The following TOGARAM2 variants were observed in gnomAD, a reference collection of about 807,000 sequenced individuals.
The protein encoded by TOGARAM2 is TOG array regulator of axonemal microtubules 2.
TOGARAM2 carries 85 observed loss-of-function variants against 93.3 expected under a neutral mutation model. That is an observed-to-expected ratio of 0.91 (90% CI 0.76 to 1.09). The LOEUF is 1.09. Among genes scored for constraint, TOGARAM2 ranks in the 50% least tolerant of loss-of-function variants. The pLI, the probability that TOGARAM2 is intolerant of heterozygous loss-of-function variation, is 0.00. For missense variants in TOGARAM2, 1,277 were observed against 1,334.5 expected, an observed-to-expected ratio of 0.96 and a Z score of 0.67; for synonymous variants, 593 against 552.8, an observed-to-expected ratio of 1.07 and a Z score of -1.02.
intron 14 of TOGARAM2, among the ~76,000 whole-genome samples, chr2:29,029,618 T>C (rs1487751566): frequency 6.7e-6 from 1 of 149,070 alleles, no homozygotes; most frequent in South Asian, 2.2e-4. Flanking sequence ...TAGCCAGGTG[T>C]GGTGGCGGGT....
intron 1 of TOGARAM2, among the ~76,000 whole-genome samples, chr2:28,993,312 G>GT (rs1464454394): frequency 6.6e-6 from 1 of 152,174 alleles, no homozygotes; most frequent in Non-Finnish European, 1.5e-5. Flanking sequence ...AACTCTCACA[G>GT]CCCCCAAATC....
intron 18 of TOGARAM2, among the ~76,000 whole-genome samples, chr2:29,043,163 C>CA (rs1374791065): frequency 6.6e-6 from 1 of 152,174 alleles, no homozygotes; most frequent in Non-Finnish European, 1.5e-5. Context: ...ACAGCTTTAC[C>CA]AATGCACCCC....
intron 8 of TOGARAM2, among the ~76,000 whole-genome samples, chr2:29,015,846 G>A (rs1470016702): frequency 1.3e-5 from 2 of 151,844 alleles, no homozygotes; most frequent in African/African-American, 2.4e-5. Flanking sequence ...TCATCTCCCC[G>A]GCCTCTGGAT....
Position 29,009,991 on chromosome 2 carries a change from G to A in TOGARAM2, c.831-1464G>A, listed in dbSNP as rs150491034. ...GGGTCCACAGCTTAAGAGAAGCTGCGCCAAGTCCTCTGAGGCCAAATCCCT... is the reference window on the plus strand; with the variant it reads ...GGGTCCACAGCTTAAGAGAAGCTGCACCAAGTCCTCTGAGGCCAAATCCCT... On this transcript the variant is annotated intron_variant, in intron 6 of 19. Coordinates refer to ENST00000379558, the MANE Select transcript of TOGARAM2 (RefSeq NM_199280.4). Among the ~76,000 whole-genome samples, 1,071 of 151,754 alleles carry A rather than the reference G, an allele frequency of 7.1e-3. 3 individuals carry two copies. The highest frequency in any genetic ancestry group is 0.01 in the Non-Finnish European group (707 of 67,908).
chr2:28,960,351 C>T (rs754998196), intron 1 of TOGARAM2, among the ~76,000 whole-genome samples: 3 of 152,102 alleles, frequency 2.0e-5, no homozygotes, highest in Non-Finnish European at 2.9e-5. Context: ...TAATACCATC[C>T]TCCTGTCTAA....
At chr2:28,978,583 G>T (rs890686498), upstream of TOGARAM2, among the ~76,000 whole-genome samples, 1 of 152,218 alleles carries the variant, frequency 6.6e-6, no homozygotes, top group Non-Finnish European at 1.5e-5. Context: ...AGCATGGAAA[G>T]TTATAGAATG....
At chr2:29,045,260 A>C in intron 18 of TOGARAM2, 64 bp from the exon 19 acceptor site, 3 of 1,381,588 alleles carry the variant, frequency 2.2e-6, no homozygotes, top group Non-Finnish European at 3.0e-6. Context: ...GTGGCCCTGC[A>C]AACCCCTAGT....
At chr2:29,023,313 C>T (rs953198037) in intron 12 of TOGARAM2, 122 bp downstream of exon 12, 12 of 783,092 alleles carry the variant, frequency 1.5e-5, no homozygotes, top group Non-Finnish European at 2.5e-5. Flanking sequence ...TATTTCTCAG[C>T]CTTCAGCCAC....
At chr2:29,017,101 TTGA>T in intron 8 of TOGARAM2, 50 bp from the exon 9 acceptor site, 1 of 1,584,162 alleles carries the variant, frequency 6.3e-7, no homozygotes, top group East Asian at 2.3e-5. Flanking sequence ...TGATTGAATG[TTGA>T]TGATTGAATG....
intron 19 of TOGARAM2, chr2:29,050,249 T>A (rs1344737829): frequency 1.3e-5 from 2 of 152,120 alleles, no homozygotes; most frequent in African/African-American, 4.8e-5. Context: ...TCCCAGCTAC[T>A]GGGGAGGCTG....
chr2:29,004,955 T>C (rs1673570769), intron 6 of TOGARAM2, among the ~76,000 whole-genome samples: 2 of 130,268 alleles, frequency 1.5e-5, no homozygotes, highest in African/African-American at 6.8e-5. Context: ...TGTGTGTGCA[T>C]GTGTATGTGT....
chr2:28,975,499 C>T (rs1336825680), intron 1 of TOGARAM2, among the ~76,000 whole-genome samples: 8 of 151,976 alleles, frequency 5.3e-5, no homozygotes, highest in Non-Finnish European at 1.0e-4. Flanking sequence ...TGCGCCCGGC[C>T]GAGACATTTT....
intron 16 of TOGARAM2, among the ~76,000 whole-genome samples, chr2:29,034,522 G>A (rs1342888451): frequency 6.6e-6 from 1 of 152,236 alleles, no homozygotes; most frequent in Non-Finnish European, 1.5e-5. Flanking sequence ...GCTCTCAGTA[G>A]ACAATGAGTG....
At chr2:29,005,418 TGAGAGCATGC>T (rs1673672523) in intron 6 of TOGARAM2, among the ~76,000 whole-genome samples, 1 of 147,808 alleles carries the variant, frequency 6.8e-6, no homozygotes, top group Non-Finnish European at 1.5e-5. Flanking sequence ...TGTGCGTGTG[TGAGAGCATGC>T]ATGTGCGTGA....
At chr2:29,006,224 TG>T (rs532137575) in intron 6 of TOGARAM2, among the ~76,000 whole-genome samples, 83 of 147,976 alleles carry the variant, frequency 5.6e-4, no homozygotes, top group African/African-American at 2.0e-3. Context: ...TGTGTGTGAC[TG>T]TGTGTGAAGC....
intron 15 of TOGARAM2, 100 bp from the exon 16 acceptor site, chr2:29,033,369 T>A: frequency 9.0e-7 from 1 of 1,113,218 alleles, no homozygotes; most frequent in Non-Finnish European, 1.3e-6. Context: ...CTCTCCTAGG[T>A]GGAAGGGATT....
chr2:28,972,561 C>G (rs1165381547), intron 1 of TOGARAM2: 1 of 152,220 alleles, frequency 6.6e-6, no homozygotes, highest in Non-Finnish European at 1.5e-5. Flanking sequence ...ACTTCCCTTA[C>G]CATAGAATAT....
At chr2:28,997,903 G>A (rs965382228) in intron 2 of TOGARAM2, among the ~76,000 whole-genome samples, 7 of 152,174 alleles carry the variant, frequency 4.6e-5, no homozygotes, top group African/African-American at 1.7e-4. Context: ...GGAGGGAGGA[G>A]GCAGCCAGGC....
At position 29,017,918 on chromosome 2, in the gene TOGARAM2, T is replaced by C. The variant is rs201222928; in HGVS notation, c.1322T>C (p.Ile441Thr). The change falls in exon 10 of 20, where the codon ATC becomes ACC. Residue 441 changes from isoleucine to threonine, a missense_variant. By Grantham distance (89) the Ile-to-Thr change is moderately conservative. Transcript: ENST00000379558. The part of the protein sequence containing the change: ...ASRASLPSIP[I>T]SRQEPRFARH... ...CGGGCCTCCCTGCCCAGCATCCCCATCAGCCGGCAGGAGCCCCGCTTTGCC... is the reference window on the plus strand; with the variant it reads ...CGGGCCTCCCTGCCCAGCATCCCCACCAGCCGGCAGGAGCCCCGCTTTGCC... The C allele has an allele frequency of 1.3e-4, 210 of 1,609,916 alleles. No individual in the cohort carries two copies. Among genetic ancestry groups the C allele is most frequent in the Non-Finnish European group, 1.6e-4 (191 of 1,178,342 alleles).
Sources: allele counts gnomAD v4.1 joint callset (sites outside exome capture counted in the v4.1 genomes callset), GRCh38; gene constraint gnomAD v4.1.1; transcripts MANE v1.5; gene names NCBI Gene and HGNC (gene_info 2026-07-23, HGNC 2026-07-21).